Variants in SLC27A5 observed in about 807,000 individuals in gnomAD.
The protein encoded by SLC27A5 is solute carrier family 27 member 5.
SLC27A5 carries 47 observed loss-of-function variants against 63.1 expected under a neutral mutation model. The ratio of observed to expected loss-of-function variants is 0.74; its 90% confidence interval spans 0.59 to 0.95. The LOEUF (loss-of-function observed/expected upper bound fraction) is 0.95. SLC27A5 is among the 40% of genes least tolerant of loss of function. The pLI is 0.00. For synonymous variants in SLC27A5, 391 were observed against 403.8 expected (o/e 0.97, Z 0.38); for missense variants, 940 against 921.0 (o/e 1.02, Z -0.27).
At chr19:58,506,429 G>T in intron 3 of SLC27A5, among the ~76,000 whole-genome samples, 1 of 152,150 alleles carries the variant, frequency 6.6e-6, no homozygotes, top group East Asian at 1.9e-4. Context: ...CAGCTACTCA[G>T]GAGGCTCAGC....
At chr19:58,504,227 ATGT>A (rs1234434526) in intron 3 of SLC27A5, among the ~76,000 whole-genome samples, 2 of 152,322 alleles carry the variant, frequency 1.3e-5, no homozygotes, top group East Asian at 1.9e-4. Context: ...TATGATATTA[ATGT>A]TGTTACGTGT....
chr19:58,505,536 A>G (rs904847976), intron 3 of SLC27A5, among the ~76,000 whole-genome samples: 2 of 151,418 alleles, frequency 1.3e-5, no homozygotes, highest in East Asian at 4.0e-4. Flanking sequence ...CACAGCCTAA[A>G]CTTTTCATAA....
At chr19:58,503,029 A>AC (rs375854981) in intron 3 of SLC27A5, among the ~76,000 whole-genome samples, 286 of 151,974 alleles carry the variant, frequency 1.9e-3, no homozygotes, top group African/African-American at 4.6e-3. Flanking sequence ...ACACGGTGAA[A>AC]CCCGTCTCTA....
chr19:58,500,758 T>C, intron 4 of SLC27A5, 52 bp from the exon 5 acceptor site: 1 of 1,590,016 alleles, frequency 6.3e-7, no homozygotes, highest in Non-Finnish European at 8.6e-7. Flanking sequence ...GGGGCATGCC[T>C]TGGAACCTTT....
At chr19:58,509,644 G>C in intron 3 of SLC27A5, 2 of 503,796 alleles carry the variant, frequency 4.0e-6, no homozygotes, top group South Asian at 3.1e-5. Context: ...GTCACCTCCT[G>C]ACCAAAGCAT....
In SLC27A5 at chr19:58,511,857, C is replaced by G; in HGVS notation, c.99G>C (p.Leu33=). 6.4e-7 allele frequency: 1 copy of G among 1,558,226 alleles called. No individual in the cohort carries two copies. Among genetic ancestry groups the G allele is most frequent in the East Asian group, 2.4e-5 (1 of 41,654 alleles). The change falls in exon 1 of 10, where the codon CTG becomes CTC. Residue 33 remains leucine, a synonymous_variant. Transcript: ENST00000263093. ...PVWPVAVALT[L]RWLLGDPTCC... ...ATGTGGGATCCCCCAGGAGCCAGCG[C>G]AGGGTCAAGGCCACAGCGACTGGCC...
intron 3 of SLC27A5, 22 bp downstream of exon 3, chr19:58,509,825 G>A (rs751159512): frequency 1.2e-6 from 2 of 1,603,618 alleles, no homozygotes; most frequent in South Asian, 1.1e-5. Context: ...TAGACTGGAG[G>A]GATCCTCAGA....
At chr19:58,506,277 G>A (rs928983102) in intron 3 of SLC27A5, among the ~76,000 whole-genome samples, 1 of 152,032 alleles carries the variant, frequency 6.6e-6, no homozygotes, top group African/African-American at 2.4e-5. Context: ...GTTCACGCCT[G>A]TAATCCCAGC....
intron 3 of SLC27A5, among the ~76,000 whole-genome samples, chr19:58,503,759 C>T (rs964669434): frequency 1.3e-5 from 2 of 152,082 alleles, no homozygotes; most frequent in Non-Finnish European, 2.9e-5. Flanking sequence ...GACCTACAAG[C>T]AAATACAATG....
In SLC27A5 at chr19:58,511,975, G is replaced by A. The variant is rs1038966903; in HGVS notation, c.-20C>T. ...ACCCATGGTACCAGCTCCTCCCTAG[G>A]AGCAGCAGCTGTGGAGTGTTCAGGC... is the stretch of plus-strand genomic sequence containing the variant. On this transcript the variant is annotated 5_prime_UTR_variant, in exon 1 of 10. Coordinates refer to ENST00000263093, the MANE Select transcript of SLC27A5 (RefSeq NM_012254.3). The A allele has an allele frequency of 1.5e-5, 23 of 1,520,664 alleles. No homozygotes were observed. Among genetic ancestry groups the A allele is most frequent in the Admixed American group, 9.9e-5 (5 of 50,282 alleles). The allele number at this position is 1,520,664 out of a possible 1,614,324, so 94.2% of individuals were successfully genotyped here. A position where few individuals can be genotyped will look rare whatever the true frequency, so the allele number is the denominator to read the frequency against.
intron 3 of SLC27A5, 119 bp from the exon 4 acceptor site, chr19:58,501,529 A>C (rs2122494832): frequency 3.0e-5 from 34 of 1,147,920 alleles, no homozygotes; most frequent in Middle Eastern, 3.0e-4. Flanking sequence ...TACTGAGTTC[A>C]TCTTTGTGTC....
At position 58,510,774 on chromosome 19, in the gene SLC27A5, G is replaced by A; in HGVS notation, c.845C>T (p.Ala282Val). ...PSHPVPADLR[A>V]GITWRSPALF... is the part of the protein sequence containing the mutation. ...GGCAGGGCTTCTCCATGTGATCCCA[G>A]CACGCAGGTCAGCAGGCACTGGGTG... The change falls in exon 2 of 10, where the codon GCT becomes GTT. Residue 282 changes from alanine (A) to valine (V), a missense_variant. By Grantham distance (64) the Ala-to-Val change is moderately conservative (BLOSUM62 0). Coordinates refer to ENST00000263093, the MANE Select transcript of SLC27A5 (RefSeq NM_012254.3). 6.2e-7 allele frequency: 1 copy of A among 1,613,514 alleles called. No homozygotes were observed. The highest frequency in any genetic ancestry group is 8.5e-7 in the Non-Finnish European group (1 of 1,179,828).
At chr19:58,500,032 C>A (rs1202439548) in intron 6 of SLC27A5, among the ~76,000 whole-genome samples, 6 of 151,986 alleles carry the variant, frequency 3.9e-5, no homozygotes, top group Non-Finnish European at 8.8e-5. Context: ...ACAGAAGGTA[C>A]AGGACAAGGG....
At chr19:58,501,501 C>G in intron 3 of SLC27A5, 91 bp from the exon 4 acceptor site, 2 of 1,397,060 alleles carry the variant, frequency 1.4e-6, no homozygotes, top group Non-Finnish European at 2.0e-6. Flanking sequence ...CACCCCCACA[C>G]CCTGAAATAC....
At chr19:58,499,377 C>CAAGTTCCGCCCTCTTACGACAGGA in intron 7 of SLC27A5, 115 bp downstream of exon 7, 1 of 1,365,148 alleles carries the variant, frequency 7.3e-7, no homozygotes, top group Non-Finnish European at 1.0e-6. Flanking sequence ...GTCCTGACTC[C>CAAGTTCCGCCCTCTTACGACAGGA]AAGTTCCGCC....
At chr19:58,502,158 TAGTG>T (rs2053280782) in intron 3 of SLC27A5, among the ~76,000 whole-genome samples, 1 of 142,800 alleles carries the variant, frequency 7.0e-6, no homozygotes, top group Non-Finnish European at 1.5e-5. Context: ...GTGGACAGAG[TAGTG>T]AGTGAGTAGA....
At chr19:58,503,508 C>G (rs532572420) in intron 3 of SLC27A5, among the ~76,000 whole-genome samples, 19 of 149,960 alleles carry the variant, frequency 1.3e-4, no homozygotes, top group Non-Finnish European at 2.7e-4. Context: ...CCAAAAAATG[C>G]AAAAATTAGC....
At position 58,511,600 on chromosome 19, in the gene SLC27A5, G is replaced by A. The variant is rs750908091; in HGVS notation, c.356C>T (p.Ala119Val). 1 of 1,589,054 alleles carries A rather than the reference G, an allele frequency of 6.3e-7. No homozygotes were observed. Among genetic ancestry groups the A allele is most frequent in the Non-Finnish European group, 8.6e-7 (1 of 1,165,414 alleles). ...SRQPPDTFVD[A>V]FERRARAQPG... ...CTGCGCTCGTGCTCGCCGCTCGAAGGCATCTACAAAGGTGTCAGGCGGCTG... is the reference window on the plus strand; with the variant it reads ...CTGCGCTCGTGCTCGCCGCTCGAAGACATCTACAAAGGTGTCAGGCGGCTG... Residue 119 changes from alanine to valine, a missense_variant, in exon 1 of 10, where the codon GCC becomes GTC. Transcript: ENST00000263093.
chr19:58,500,668 C>A lies in SLC27A5; in HGVS notation c.1221G>T (p.Met407Ile). The A allele has an allele frequency of 6.2e-7, 1 of 1,614,128 alleles. No homozygotes were observed. Among genetic ancestry groups the A allele is most frequent in the Non-Finnish European group, 8.5e-7 (1 of 1,180,024 alleles). The part of the protein sequence containing the change: ...EDRTHTVRLA[M>I]GNGLRADVWE... The stretch of plus-strand genomic sequence containing the variant: ...ACACATCAGCCCGTAGTCCATTGCC[C>A]ATTGCCAGGCGGACTGTATGTGTCC... The change falls in exon 5 of 10, where the codon ATG becomes ATT. Residue 407 changes from methionine (M) to isoleucine (I), a missense_variant. By Grantham distance (10) the Met-to-Ile change is conservative (BLOSUM62 1). Coordinates refer to ENST00000263093, the MANE Select transcript of SLC27A5 (RefSeq NM_012254.3).
Sources: allele counts gnomAD v4.1 joint callset (sites outside exome capture counted in the v4.1 genomes callset), GRCh38; gene constraint gnomAD v4.1.1; transcripts MANE v1.5; gene names NCBI Gene and HGNC (gene_info 2026-07-23, HGNC 2026-07-21).